The following ARHGAP8 variants were observed in gnomAD, a reference collection of about 807,000 sequenced individuals.
ARHGAP8 encodes Rho GTPase activating protein 8, also known as rho GTPase-activating protein 8.
Under a neutral mutation model 46.1 loss-of-function variants are expected in ARHGAP8, and 62 were observed. That is an observed-to-expected ratio of 1.34 (90% CI 1.10 to 1.66). The LOEUF (loss-of-function observed/expected upper bound fraction) is 1.66. ARHGAP8 is among the 40% of genes most tolerant of loss of function. ARHGAP8 has a pLI of 0.00. For missense variants in ARHGAP8, 923 were observed against 568.4 expected (o/e 1.62, Z -6.34); for synonymous variants, 375 against 243.1 (o/e 1.54, Z -5.05).
chr22:44,761,331 A>G (rs1426952954), intron 1 of ARHGAP8, among the ~76,000 whole-genome samples: 2 of 152,046 alleles, frequency 1.3e-5, no homozygotes, highest in Non-Finnish European at 2.9e-5. Flanking sequence ...GATTCAACCA[A>G]CCGCGGATTT....
Position 44,812,722 on chromosome 22 carries a change from C to A in ARHGAP8, c.300-1950C>A, listed in dbSNP as rs528902879. On this transcript the variant is annotated intron_variant, in intron 4 of 11. Coordinates refer to ENST00000356099, the MANE Select transcript of ARHGAP8 (RefSeq NM_181335.3). ...GATGCTTTGAGATTATATAAATATC[C>A]TGCTCCTTGTCAAAATACTTTTCAC... Among the ~76,000 whole-genome samples, 5 of 152,032 alleles carry A rather than the reference C, an allele frequency of 3.3e-5. No homozygotes were observed. In the South Asian group the frequency reaches 1.0e-3, roughly 32 times the overall value.
At chr22:44,766,810 G>A (rs1171431360) in intron 1 of ARHGAP8, among the ~76,000 whole-genome samples, 1 of 151,550 alleles carries the variant, frequency 6.6e-6, no homozygotes, top group African/African-American at 2.4e-5. Flanking sequence ...TCACAGCCCA[G>A]AGAGAGCAAA....
At chr22:44,839,149 C>A (rs1931483254) in intron 7 of ARHGAP8, among the ~76,000 whole-genome samples, 1 of 152,118 alleles carries the variant, frequency 6.6e-6, no homozygotes, top group African/African-American at 2.4e-5. Flanking sequence ...TTCCTCCCTC[C>A]CCAGGGACAC....
Position 44,846,091 on chromosome 22 carries a change from G to A in ARHGAP8, c.670+749G>A, listed in dbSNP as rs144481979. ...CTCGGCTCAACAGTTGCTTCCTCAGGGAATCCCCCTAACATGGCCAGACCC... is the reference window on the plus strand; with the variant it reads ...CTCGGCTCAACAGTTGCTTCCTCAGAGAATCCCCCTAACATGGCCAGACCC... On this transcript the variant is annotated intron_variant, in intron 8 of 11. Transcript: ENST00000356099. Among the ~76,000 whole-genome samples the A allele has an allele frequency of 9.0e-3, 1,377 of 152,260 alleles. 9 individuals carry two copies. Among genetic ancestry groups the A allele is most frequent in the Middle Eastern group, 0.02 (6 of 294 alleles).
chr22:44,755,551 T>C (rs2146979130), intron 1 of ARHGAP8, among the ~76,000 whole-genome samples: 1 of 152,334 alleles, frequency 6.6e-6, no homozygotes, highest in Admixed American at 6.5e-5. Flanking sequence ...GGCCCTGCAC[T>C]GTGGGACTTA....
intron 10 of ARHGAP8, among the ~76,000 whole-genome samples, chr22:44,857,801 T>C (rs1303852942): frequency 7.3e-6 from 1 of 136,220 alleles, no homozygotes; most frequent in Non-Finnish European, 1.6e-5. Flanking sequence ...CTCTCAGAGC[T>C]CTCTTTCCTC....
chr22:44,793,592 C>T (rs1222431035), intron 2 of ARHGAP8, among the ~76,000 whole-genome samples: 3 of 152,168 alleles, frequency 2.0e-5, no homozygotes, highest in East Asian at 3.9e-4. Context: ...CTTTATGATG[C>T]GTTTTAATCG....
At chr22:44,851,940 C>T (rs1601521885) in intron 10 of ARHGAP8, among the ~76,000 whole-genome samples, 1 of 151,990 alleles carries the variant, frequency 6.6e-6, no homozygotes, top group Non-Finnish European at 1.5e-5. Context: ...CCTGTAAACT[C>T]AGCACTTCGG....
chr22:44,859,516 C>T (rs759985778), intron 10 of ARHGAP8: 97 of 589,288 alleles, frequency 1.6e-4, no homozygotes, highest in South Asian at 4.9e-4. Flanking sequence ...AACCTCTTTT[C>T]TTATAAATAA....
rs369096714 is a variant in ARHGAP8 at position 44,808,190 on chromosome 22, A to G, written c.168-117A>G. ...GGGGCCCACGGTGCATGGAGTCTCC[A>G]TGTGGCCCGGTGCTGGCACCTACTG... is the stretch of plus-strand genomic sequence containing the variant. On this transcript the variant is annotated intron_variant, in intron 3 of 11. Transcript: ENST00000356099. 146 of 1,485,802 alleles carry G rather than the reference A, an allele frequency of 9.8e-5. 3 individuals are homozygous for G. The South Asian group carries it at 1.8e-3, about 18-fold the overall frequency. 92.0% of individuals were successfully genotyped at this position (1,485,802 alleles called of 1,614,324 possible).
At chr22:44,860,525 C>T (rs542898495) in intron 11 of ARHGAP8, among the ~76,000 whole-genome samples, 30 of 120,094 alleles carry the variant, frequency 2.5e-4, no homozygotes, top group African/African-American at 8.0e-4. Flanking sequence ...CCAGATGACG[C>T]GGGATGATCT....
chr22:44,768,326 G>C (rs1400790576), intron 1 of ARHGAP8, among the ~76,000 whole-genome samples: 3 of 151,664 alleles, frequency 2.0e-5, no homozygotes, highest in Non-Finnish European at 4.4e-5. Flanking sequence ...TTGAGACAGC[G>C]TCTCACTCTT....
At chr22:44,752,660 G>A (rs1327325467) in intron 1 of ARHGAP8, 33 bp downstream of exon 1, 2 of 151,404 alleles carry the variant, frequency 1.3e-5, no homozygotes, top group African/African-American at 2.4e-5. Context: ...GGAGCGCGCA[G>A]GGAGGAGGCC....
intron 6 of ARHGAP8, among the ~76,000 whole-genome samples, chr22:44,823,607 C>T (rs1040387161): frequency 2.6e-5 from 4 of 152,000 alleles, no homozygotes; most frequent in African/African-American, 9.7e-5. Flanking sequence ...GCCCGTGGGC[C>T]CTGGCAAGAC....
At chr22:44,772,809 C>CTTTTTT (rs5845668) in intron 1 of ARHGAP8, among the ~76,000 whole-genome samples, 4 of 113,006 alleles carry the variant, frequency 3.5e-5, no homozygotes, top group Non-Finnish European at 5.2e-5. Flanking sequence ...CTCTCTCCCA[C>CTTTTTT]TTTTTTTTTT....
At chr22:44,858,831 A>C (rs141052300) in intron 10 of ARHGAP8, among the ~76,000 whole-genome samples, 2 of 150,878 alleles carry the variant, frequency 1.3e-5, no homozygotes, top group Non-Finnish European at 2.9e-5. Context: ...TGTGGTGCTG[A>C]GAATCCTGAG....
intron 10 of ARHGAP8, among the ~76,000 whole-genome samples, chr22:44,855,799 A>G (rs1321318947): frequency 6.6e-6 from 1 of 152,192 alleles, no homozygotes; most frequent in Non-Finnish European, 1.5e-5. Flanking sequence ...GATGGCTGGT[A>G]GGATGTCAGC....
chr22:44,860,780 A>C (rs914753036), intron 11 of ARHGAP8, among the ~76,000 whole-genome samples: 8 of 152,082 alleles, frequency 5.3e-5, no homozygotes, highest in African/African-American at 1.7e-4. Context: ...CAACACATCC[A>C]CGTGGGTCCA....
In ARHGAP8 at chr22:44,769,791, A is replaced by C. The variant is rs968517375; in HGVS notation, c.-71-16666A>C. Among the ~76,000 whole-genome samples the C allele has an allele frequency of 3.0e-4, 46 of 152,206 alleles. 1 individual carries two copies. Among genetic ancestry groups the C allele is most frequent in the African/African-American group, 1.1e-3 (46 of 41,440 alleles). On this transcript the variant is annotated intron_variant, in intron 1 of 11. Transcript: ENST00000356099. ...TTGAGACCGCAGGATTGCGGTAAAG[A>C]AACAGTTTCATTGATTCAAGGCCAG...
Sources: allele counts gnomAD v4.1 joint callset (sites outside exome capture counted in the v4.1 genomes callset), GRCh38; gene constraint gnomAD v4.1.1; transcripts MANE v1.5; gene names NCBI Gene and HGNC (gene_info 2026-07-23, HGNC 2026-07-21).